The following PAPPA variants were observed in gnomAD, a reference collection of about 807,000 sequenced individuals.
PAPPA encodes pappalysin 1.
Under a neutral mutation model 164.0 loss-of-function variants are expected in PAPPA, and 60 were observed. That is an observed-to-expected ratio of 0.37 (90% CI 0.30 to 0.45). PAPPA has a LOEUF of 0.45. PAPPA is among the 20% of genes least tolerant of loss of function. The pLI is 1.00. For synonymous variants in PAPPA, 875 were observed against 814.1 expected (o/e 1.07, Z -1.27); for missense variants, 1,782 against 2,087.3 (o/e 0.85, Z 2.85).
chr9:116,253,624 T>C (rs890077782), intron 7 of PAPPA, among the ~76,000 whole-genome samples: 4 of 152,156 alleles, frequency 2.6e-5, no homozygotes, highest in Non-Finnish European at 4.4e-5. Context: ...ATAAAAGGTT[T>C]CCTTAAAAAT....
intron 17 of PAPPA, among the ~76,000 whole-genome samples, chr9:116,355,880 T>C (rs759467019): frequency 6.6e-6 from 1 of 152,130 alleles, no homozygotes; most frequent in African/African-American, 2.4e-5. Context: ...CCTAATACAA[T>C]TGACGTTTCT....
rs574766875 is a variant in PAPPA at position 116,312,507 on chromosome 9, A to G, written c.3147+9557A>G. Among the ~76,000 whole-genome samples the G allele has an allele frequency of 5.1e-4, 77 of 152,222 alleles. 1 individual carries two copies. Among genetic ancestry groups the G allele is most frequent in the African/African-American group, 1.8e-3 (76 of 41,558 alleles). On this transcript the variant is annotated intron_variant, in intron 10 of 21. Coordinates refer to ENST00000328252, the MANE Select transcript of PAPPA (RefSeq NM_002581.5). ...TTTGGCGGTATTGAATTTTGTCCCT[A>G]AAACCACATACTCATTTCTCTAAGT...
intron 9 of PAPPA, among the ~76,000 whole-genome samples, chr9:116,301,294 A>G (rs996013358): frequency 6.6e-6 from 1 of 152,236 alleles, no homozygotes; most frequent in East Asian, 1.9e-4. Context: ...ACCCTAAGAC[A>G]CTGGCTAGCA....
At chr9:116,340,580 A>G (rs749143045) in intron 13 of PAPPA, among the ~76,000 whole-genome samples, 8 of 151,986 alleles carry the variant, frequency 5.3e-5, no homozygotes, top group Non-Finnish European at 2.9e-5. Flanking sequence ...GACACATATT[A>G]CCTCCCTTAT....
At chr9:116,265,094 T>C (rs2118811868) in intron 7 of PAPPA, among the ~76,000 whole-genome samples, 1 of 152,264 alleles carries the variant, frequency 6.6e-6, no homozygotes, top group South Asian at 2.1e-4. Context: ...AAAATAGGGA[T>C]AAGATAGGCA....
chr9:116,222,363 A>G (rs915178408), intron 5 of PAPPA, among the ~76,000 whole-genome samples: 1 of 152,312 alleles, frequency 6.6e-6, no homozygotes, highest in South Asian at 2.1e-4. Flanking sequence ...TTAAGATGGT[A>G]TAAACCTATT....
At chr9:116,300,563 G>A (rs1845568460) in intron 9 of PAPPA, among the ~76,000 whole-genome samples, 2 of 152,196 alleles carry the variant, frequency 1.3e-5, no homozygotes, top group African/African-American at 4.8e-5. Flanking sequence ...ATGAGCCACT[G>A]TGCCCGGCCC....
rs563538217 is a variant in PAPPA at position 116,165,101 on chromosome 9, C to T, written c.415+10514C>T. The stretch of plus-strand genomic sequence containing the variant: ...ATACTCTTGCATGACTGCCCAAAAG[C>T]TTTGTGTCACAAAGCAAACAACTTA... On this transcript the variant is annotated intron_variant, in intron 1 of 21. Coordinates refer to ENST00000328252, the MANE Select transcript of PAPPA (RefSeq NM_002581.5). 7.9e-5 allele frequency among the ~76,000 whole-genome samples: 12 copies of T among 152,302 alleles called. No homozygotes were observed. In the South Asian group the frequency reaches 1.2e-3, roughly 16 times the overall value.
intron 1 of PAPPA, among the ~76,000 whole-genome samples, chr9:116,173,969 A>G (rs1052980360): frequency 6.6e-6 from 1 of 152,178 alleles, no homozygotes; most frequent in Non-Finnish European, 1.5e-5. Flanking sequence ...TAAAATGTGA[A>G]TTCTGGAGTC....
At chr9:116,316,238 G>A (rs1287161674) in intron 10 of PAPPA, 4 of 152,256 alleles carry the variant, frequency 2.6e-5, no homozygotes, top group African/African-American at 2.4e-5. Flanking sequence ...TCATTCTGCA[G>A]TGGAAGATAT....
intron 2 of PAPPA, among the ~76,000 whole-genome samples, chr9:116,202,731 TGGA>T (rs1183738638): frequency 6.6e-6 from 1 of 152,122 alleles, no homozygotes; most frequent in East Asian, 1.9e-4. Context: ...GGGAGGGGTG[TGGA>T]GGAGGAATTA....
At chr9:116,246,392 A>G (rs1273294867) in intron 7 of PAPPA, among the ~76,000 whole-genome samples, 1 of 152,212 alleles carries the variant, frequency 6.6e-6, no homozygotes, top group Non-Finnish European at 1.5e-5. Context: ...TTTATTGGCT[A>G]TGTACAAGGC....
At chr9:116,371,310 G>A (rs563288719) in intron 19 of PAPPA, among the ~76,000 whole-genome samples, 3 of 152,198 alleles carry the variant, frequency 2.0e-5, no homozygotes, top group South Asian at 4.2e-4. Context: ...CCAGCTACTC[G>A]GGAAGCTGAG....
At chr9:116,318,073 A>C (rs930132314) in intron 10 of PAPPA, among the ~76,000 whole-genome samples, 2 of 152,158 alleles carry the variant, frequency 1.3e-5, no homozygotes, top group Non-Finnish European at 2.9e-5. Context: ...TGGGTTTGTC[A>C]TGGCTTAGCT....
intron 17 of PAPPA, among the ~76,000 whole-genome samples, chr9:116,360,007 T>C (rs964439012): frequency 6.6e-6 from 1 of 152,214 alleles, no homozygotes; most frequent in Middle Eastern, 3.2e-3. Context: ...TGCTTTATGC[T>C]CCCACCTTTC....
intron 7 of PAPPA, among the ~76,000 whole-genome samples, chr9:116,238,268 T>G (rs936235583): frequency 6.6e-6 from 1 of 152,166 alleles, no homozygotes; most frequent in Non-Finnish European, 1.5e-5. Flanking sequence ...CAGTATCACC[T>G]GGGAACTGAG....
At position 116,230,424 on chromosome 9, in the gene PAPPA, G is replaced by A. The variant is rs527998167; in HGVS notation, c.2233+2872G>A. On this transcript the variant is annotated intron_variant, in intron 6 of 21. Coordinates refer to ENST00000328252, the MANE Select transcript of PAPPA (RefSeq NM_002581.5). ...TGGGGAAAAAACATGGGGAATGCAG[G>A]GGAGGGAAAGGAGGAGGATTGGACC... 3.5e-4 allele frequency among the ~76,000 whole-genome samples: 54 copies of A among 152,256 alleles called. 1 individual carries two copies. In the South Asian group the frequency reaches 0.011, roughly 32 times the overall value.
intron 9 of PAPPA, among the ~76,000 whole-genome samples, chr9:116,296,643 C>A (rs1467257096): frequency 3.3e-5 from 5 of 152,026 alleles, no homozygotes; most frequent in Non-Finnish European, 7.4e-5. Flanking sequence ...AGAAGACTTG[C>A]AAAGGAGATG....
chr9:116,271,415 T>C lies in PAPPA; in HGVS notation c.2952T>C (p.Ile984=). Residue 984 remains isoleucine, a splice_region_variant and synonymous_variant, in exon 9 of 22, where the codon ATT becomes ATC. Transcript: ENST00000328252. This position sits in a 1 kb window ranked among gnomAD's most constrained non-coding sequence, Gnocchi z 4.2. ...GACAAGAAGTCTCCTTCAATTGTAT[T>C]GGTACGTCTTTTTCATTTCTTGTGG... ...FCRQEVSFNC[I]DEPSRCYFHD... 1.9e-6 allele frequency: 3 copies of C among 1,604,832 alleles called. No individual in the cohort carries two copies. The highest frequency in any genetic ancestry group is 1.1e-5 in the South Asian group (1 of 90,890).
Sources: allele counts gnomAD v4.1 joint callset (sites outside exome capture counted in the v4.1 genomes callset), GRCh38; gene constraint gnomAD v4.1.1; non-coding constraint Gnocchi (gnomAD v3.1); transcripts MANE v1.5; gene names NCBI Gene and HGNC (gene_info 2026-07-23, HGNC 2026-07-21).